GNG7: variants seen among roughly 807,000 people sequenced by gnomAD.
GNG7 encodes G protein subunit gamma 7, also known as guanine nucleotide-binding protein G(I)/G(S)/G(O) subunit gamma-7.
A neutral mutation model predicts 4.0 loss-of-function variants in GNG7; 1 was observed. That is an observed-to-expected ratio of 0.25 (90% CI 0.09 to 1.18). GNG7 has a LOEUF of 1.18. GNG7 is among the 50% of genes most tolerant of loss of function. The probability of loss-of-function intolerance (pLI) is 0.50; values close to 1 mark genes in which losing one functional copy is unlikely to be tolerated. For missense variants in GNG7, 86 were observed against 91.9 expected, an observed-to-expected ratio of 0.94 and a Z score of 0.26; for synonymous variants, 34 against 36.9, an observed-to-expected ratio of 0.92 and a Z score of 0.29.
At chr19:2,542,964 G>A (rs963996064) in intron 3 of GNG7, among the ~76,000 whole-genome samples, 92 of 150,864 alleles carry the variant, frequency 6.1e-4, no homozygotes, top group Admixed American at 2.3e-3. Flanking sequence ...CCAGGCTGGA[G>A]TGCAATGACG....
At chr19:2,654,017 C>T (rs905051508) in intron 1 of GNG7, among the ~76,000 whole-genome samples, 1 of 152,204 alleles carries the variant, frequency 6.6e-6, no homozygotes, top group Admixed American at 6.5e-5. Context: ...TGCTCTCCTC[C>T]AAACCTCCCA....
At position 2,679,408 on chromosome 19, in the gene GNG7, C is replaced by T. The variant is rs531917601; in HGVS notation, c.-135+23238G>A. Among the ~76,000 whole-genome samples the T allele has an allele frequency of 3.0e-4, 46 of 152,228 alleles. 1 individual carries two copies. Among genetic ancestry groups the T allele is most frequent in the African/African-American group, 1.1e-3 (46 of 41,534 alleles). On this transcript the variant is annotated intron_variant, in intron 1 of 4. Transcript: ENST00000382159. ...ATATTAGCAGTGATTCCAGCAATAA[C>T]AGTGATAACCAGGACCACCACCCAT...
At chr19:2,561,561 G>A (rs1024745878) in intron 2 of GNG7, among the ~76,000 whole-genome samples, 16 of 151,936 alleles carry the variant, frequency 1.1e-4, no homozygotes, top group Non-Finnish European at 2.2e-4. Flanking sequence ...ATCCCCACAA[G>A]AGCCTCTCTC....
intron 2 of GNG7, among the ~76,000 whole-genome samples, chr19:2,560,504 C>T (rs1014021126): frequency 9.2e-5 from 14 of 152,070 alleles, no homozygotes; most frequent in African/African-American, 3.1e-4. Context: ...GGCCCTGCTC[C>T]CAGGGGACCC....
In GNG7 at chr19:2,513,001, C is replaced by T. The variant is rs1267733969; in HGVS notation, c.*2021G>A. The T allele has an allele frequency of 1.2e-5, 12 of 985,310 alleles. No homozygotes were observed. The highest frequency in any genetic ancestry group is 1.7e-5 in the African/African-American group (1 of 57,244). The allele number at this position is 985,310 out of a possible 1,614,324, so 61.0% of individuals were successfully genotyped here. A position where few individuals can be genotyped will look rare whatever the true frequency, so the allele number is the denominator to read the frequency against. On this transcript the variant is annotated 3_prime_UTR_variant, in exon 5 of 5. Coordinates refer to ENST00000382159, the MANE Select transcript of GNG7 (RefSeq NM_052847.3). ...TCTCCCGGGCCAACAGCAGGTTTGG[C>T]GGGTAGGGCTCCCCGAAGCCCCAGC...
intron 2 of GNG7, among the ~76,000 whole-genome samples, chr19:2,560,118 CT>C (rs142743279): frequency 0.051 from 7,815 of 152,258 alleles, 243 homozygotes; most frequent in Non-Finnish European, 0.065. Flanking sequence ...ACTCTAATTT[CT>C]TGTCTCTCTC....
chr19:2,621,869 G>A (rs1175308785), intron 2 of GNG7, among the ~76,000 whole-genome samples: 2 of 152,126 alleles, frequency 1.3e-5, no homozygotes, highest in African/African-American at 2.4e-5. Flanking sequence ...GGGGAGCACA[G>A]CTCTGCAGAC....
chr19:2,673,422 G>A (rs763981859), intron 1 of GNG7, among the ~76,000 whole-genome samples: 51 of 152,070 alleles, frequency 3.4e-4, no homozygotes, highest in Admixed American at 8.5e-4. Flanking sequence ...ACCGGGCGCC[G>A]TGGCTCACGC....
rs1330552750 is a variant in GNG7 at position 2,693,081 on chromosome 19, AG to A, written c.-135+9564del. On this transcript the variant is annotated intron_variant, in intron 1 of 4. Coordinates refer to ENST00000382159, the MANE Select transcript of GNG7 (RefSeq NM_052847.3). The stretch of plus-strand genomic sequence containing the variant: ...TGAAGTGGGTGGATCACTTGAGCTC[AG>A]GGGTTCAAGACCAGCCTGGGCAACA... Among the ~76,000 whole-genome samples the A allele has an allele frequency of 5.9e-5, 9 of 151,926 alleles. No homozygotes were observed. In the East Asian group the frequency reaches 1.7e-3, roughly 29 times the overall value.
chr19:2,661,986 G>A (rs959025278), intron 1 of GNG7, among the ~76,000 whole-genome samples: 1 of 152,146 alleles, frequency 6.6e-6, no homozygotes, highest in African/African-American at 2.4e-5. Flanking sequence ...ATGGCCAGGT[G>A]CAGTGGCTCA....
intron 1 of GNG7, among the ~76,000 whole-genome samples, chr19:2,679,601 C>A (rs569883874): frequency 1.0e-3 from 153 of 152,288 alleles, no homozygotes; most frequent in African/African-American, 3.5e-3. Context: ...CAATGCCTCA[C>A]CATGCCTACA....
chr19:2,632,313 C>T (rs1982179564), intron 2 of GNG7, among the ~76,000 whole-genome samples: 3 of 151,790 alleles, frequency 2.0e-5, no homozygotes, highest in Admixed American at 2.0e-4. Flanking sequence ...CCTGTAATCC[C>T]AGCTACTTGG....
intron 2 of GNG7, chr19:2,642,871 C>A (rs961926061): frequency 4.4e-6 from 2 of 456,730 alleles, no homozygotes. Context: ...AGTCTGAGCC[C>A]TCTCCGGGCT....
chr19:2,605,609 G>A (rs974540509), intron 2 of GNG7, among the ~76,000 whole-genome samples: 13 of 141,074 alleles, frequency 9.2e-5, no homozygotes, highest in African/African-American at 3.5e-4. Context: ...TGCCTCCTCA[G>A]CTGAAGTGAT....
At chr19:2,567,789 A>C (rs1309621668) in intron 2 of GNG7, among the ~76,000 whole-genome samples, 1 of 152,160 alleles carries the variant, frequency 6.6e-6, no homozygotes, top group Admixed American at 6.5e-5. Context: ...GATGAGACCT[A>C]AAAGGTCACA....
chr19:2,574,883 G>C (rs1261390611), intron 2 of GNG7, among the ~76,000 whole-genome samples: 1 of 152,114 alleles, frequency 6.6e-6, no homozygotes, highest in Non-Finnish European at 1.5e-5. Context: ...AACCGCACTT[G>C]TTATCAGAGC....
In GNG7 at chr19:2,680,904, G is replaced by T. The variant is rs184421563; in HGVS notation, c.-135+21742C>A. 4.0e-3 allele frequency among the ~76,000 whole-genome samples: 602 copies of T among 151,758 alleles called. 2 individuals are homozygous for T. Among genetic ancestry groups the T allele is most frequent in the Non-Finnish European group, 6.4e-3 (437 of 67,914 alleles). On this transcript the variant is annotated intron_variant, in intron 1 of 4. Transcript: ENST00000382159. Reference sequence around the variant, plus strand: ...ACTGCAACCTTCGTCTCCCGAGCTCGCATGAGGGTCCCCATGTCCTACCTC... The same window carrying T: ...ACTGCAACCTTCGTCTCCCGAGCTCTCATGAGGGTCCCCATGTCCTACCTC...
chr19:2,599,117 G>A (rs1403897528), intron 2 of GNG7, among the ~76,000 whole-genome samples: 3 of 152,310 alleles, frequency 2.0e-5, no homozygotes, highest in Non-Finnish European at 2.9e-5. Flanking sequence ...TGGGAGGGAC[G>A]CCTGGGGTGG....
intron 2 of GNG7, among the ~76,000 whole-genome samples, chr19:2,600,899 G>A (rs1981178696): frequency 6.6e-6 from 1 of 152,136 alleles, no homozygotes; most frequent in African/African-American, 2.4e-5. Flanking sequence ...CTTCACAGAA[G>A]AGAAAATGCG....
Sources: allele counts gnomAD v4.1 joint callset (sites outside exome capture counted in the v4.1 genomes callset), GRCh38; gene constraint gnomAD v4.1.1; transcripts MANE v1.5; gene names NCBI Gene and HGNC (gene_info 2026-07-23, HGNC 2026-07-21).